Variants in TMEM232 observed in about 807,000 individuals in gnomAD.
The protein encoded by TMEM232 is transmembrane protein 232.
Under a neutral mutation model 78.8 loss-of-function variants are expected in TMEM232, and 80 were observed. That is an observed-to-expected ratio of 1.01 (90% CI 0.85 to 1.22). TMEM232 has a LOEUF of 1.22. TMEM232 is among the 50% of genes most tolerant of loss of function. The pLI is 0.00. For synonymous variants in TMEM232, 297 were observed against 254.3 expected (o/e 1.17, Z -1.60); for missense variants, 881 against 742.2 (o/e 1.19, Z -2.17).
chr5:110,633,497 G>T (rs531692470), intron 5 of TMEM232, among the ~76,000 whole-genome samples: 3 of 152,212 alleles, frequency 2.0e-5, no homozygotes, highest in African/African-American at 7.2e-5. Context: ...TCAAGGAAGG[G>T]CCACGTGTTG....
At chr5:110,650,581 G>C (rs1347737028) in intron 2 of TMEM232, among the ~76,000 whole-genome samples, 1 of 152,098 alleles carries the variant, frequency 6.6e-6, no homozygotes, top group Non-Finnish European at 1.5e-5. Context: ...GGTAAACCCA[G>C]TATAATCATG....
intron 12 of TMEM232, among the ~76,000 whole-genome samples, chr5:110,487,926 C>T (rs1764644992): frequency 6.6e-6 from 1 of 151,898 alleles, no homozygotes; most frequent in South Asian, 2.1e-4. Flanking sequence ...ATTGCAACCC[C>T]CATCAAAATA....
chr5:110,500,102 G>T (rs2149440763), intron 12 of TMEM232, among the ~76,000 whole-genome samples: 1 of 151,990 alleles, frequency 6.6e-6, no homozygotes, highest in East Asian at 1.9e-4. Flanking sequence ...GACCAGCCTG[G>T]CCGACTTAGT....
intron 12 of TMEM232, among the ~76,000 whole-genome samples, chr5:110,491,104 C>A (rs373506552): frequency 6.6e-6 from 1 of 151,576 alleles, no homozygotes; most frequent in East Asian, 1.9e-4. Flanking sequence ...CCAGAATATA[C>A]AAAGAGTTTT....
In TMEM232 at chr5:110,472,737, T is replaced by TG. The variant is rs1376313452; in HGVS notation, c.1704-47822dup. 2.0e-5 allele frequency among the ~76,000 whole-genome samples: 3 copies of TG among 151,956 alleles called. No homozygotes were observed. The East Asian group carries it at 5.8e-4, about 29-fold the overall frequency. ...ACATAAAAATGAATACATAGACCAA[T>TG]GGGACAGTATAGAGAGCCCAGAAAT... On this transcript the variant is annotated intron_variant, in intron 12 of 13. Transcript: ENST00000455884.
At chr5:110,479,207 C>A (rs1457687321) in intron 12 of TMEM232, among the ~76,000 whole-genome samples, 2 of 151,470 alleles carry the variant, frequency 1.3e-5, no homozygotes, top group African/African-American at 2.4e-5. Context: ...TGCCTACTTG[C>A]CCCTGCCAAA....
At chr5:110,580,790 A>C (rs921798452) in intron 10 of TMEM232, among the ~76,000 whole-genome samples, 1 of 151,726 alleles carries the variant, frequency 6.6e-6, no homozygotes, top group African/African-American at 2.4e-5. Context: ...TTAATAGGTC[A>C]CAATGAACGT....
intron 11 of TMEM232, among the ~76,000 whole-genome samples, chr5:110,553,569 G>C (rs1020777372): frequency 8.5e-5 from 13 of 152,118 alleles, no homozygotes; most frequent in African/African-American, 3.1e-4. Context: ...TTTGTACACT[G>C]ATTTTGTATC....
At chr5:110,640,411 T>A (rs1281784727) in intron 4 of TMEM232, among the ~76,000 whole-genome samples, 1 of 152,148 alleles carries the variant, frequency 6.6e-6, no homozygotes, top group Non-Finnish European at 1.5e-5. Context: ...TGTTTAATTT[T>A]TTTTTTAGAT....
intron 12 of TMEM232, among the ~76,000 whole-genome samples, chr5:110,523,779 C>A (rs1392200319): frequency 2.0e-5 from 3 of 151,578 alleles, no homozygotes; most frequent in Non-Finnish European, 4.4e-5. Flanking sequence ...ATAAGTAGGC[C>A]CTGTCTCTAC....
intron 12 of TMEM232, among the ~76,000 whole-genome samples, chr5:110,521,986 T>A (rs1769590463): frequency 6.6e-6 from 1 of 152,194 alleles, no homozygotes; most frequent in Admixed American, 6.5e-5. Context: ...TTATTTCTAT[T>A]TATTTAGAAA....
intron 12 of TMEM232, among the ~76,000 whole-genome samples, chr5:110,475,557 C>T (rs1032807548): frequency 6.8e-6 from 1 of 147,442 alleles, no homozygotes; most frequent in Non-Finnish European, 1.5e-5. Flanking sequence ...CCAATTGTCT[C>T]AGCTTACTAA....
chr5:110,669,805 T>G (rs540919018), intron 1 of TMEM232, among the ~76,000 whole-genome samples: 1 of 152,292 alleles, frequency 6.6e-6, no homozygotes, highest in Admixed American at 6.5e-5. Context: ...GCTTCATCAC[T>G]GGGATGCAAG....
intron 12 of TMEM232, among the ~76,000 whole-genome samples, chr5:110,428,293 A>C (rs1757463456): frequency 6.6e-6 from 1 of 151,850 alleles, no homozygotes; most frequent in Non-Finnish European, 1.5e-5. Flanking sequence ...AGTTTCCCTA[A>C]ACTTTAGACA....
chr5:110,467,687 C>T (rs550277633), intron 12 of TMEM232, among the ~76,000 whole-genome samples: 2 of 152,234 alleles, frequency 1.3e-5, no homozygotes, highest in African/African-American at 4.8e-5. Flanking sequence ...AATAATATTT[C>T]TATTAGTTTG....
chr5:110,635,297 A>G (rs1041747239), intron 5 of TMEM232, among the ~76,000 whole-genome samples: 5 of 152,036 alleles, frequency 3.3e-5, no homozygotes, highest in Non-Finnish European at 2.9e-5. Context: ...ACTATTCCCA[A>G]AAGTAAAAGG....
chr5:110,433,531 C>T (rs1298082973), intron 12 of TMEM232, among the ~76,000 whole-genome samples: 1 of 151,644 alleles, frequency 6.6e-6, no homozygotes, highest in East Asian at 1.9e-4. Context: ...AAATCTCTAA[C>T]CACCTAACCT....
intron 10 of TMEM232, among the ~76,000 whole-genome samples, chr5:110,597,047 T>G (rs1406915547): frequency 6.6e-6 from 1 of 152,150 alleles, no homozygotes; most frequent in African/African-American, 2.4e-5. Context: ...ATAAAGGGTA[T>G]TCAAATAGGA....
At chr5:110,709,618 T>C (rs1014751953) in intron 1 of TMEM232, among the ~76,000 whole-genome samples, 1 of 152,124 alleles carries the variant, frequency 6.6e-6, no homozygotes, top group Middle Eastern at 3.4e-3. Flanking sequence ...AATTAAACGA[T>C]GCGCACCTGA....
Sources: gnomAD v4.1 joint callset for allele counts (sites outside exome capture counted in the v4.1 genomes callset) on GRCh38, gnomAD v4.1.1 for gene constraint, MANE v1.5 for transcripts, NCBI Gene and HGNC (gene_info 2026-07-23, HGNC 2026-07-21) for gene names.